The following NEGR1 variants were observed in gnomAD, a reference collection of about 807,000 sequenced individuals.
The protein encoded by NEGR1 is IgLON family member 4.
NEGR1 carries 10 observed loss-of-function variants against 40.9 expected under a neutral mutation model. That is an observed-to-expected ratio of 0.24 (90% CI 0.15 to 0.42). The LOEUF is 0.42. Among genes scored for constraint, NEGR1 ranks in the 10% least tolerant of loss-of-function variants. NEGR1 has a pLI of 1.00. For synonymous variants in NEGR1, 185 were observed against 166.8 expected, an observed-to-expected ratio of 1.11 and a Z score of -0.84; for missense variants, 352 against 438.9, an observed-to-expected ratio of 0.80 and a Z score of 1.77.
chr1:71,881,260 A>G (rs1660576875), intron 2 of NEGR1, among the ~76,000 whole-genome samples: 1 of 152,062 alleles, frequency 6.6e-6, no homozygotes, highest in Admixed American at 6.6e-5. Flanking sequence ...AAAACAGAAG[A>G]AAAAGGAGAA....
intron 1 of NEGR1, among the ~76,000 whole-genome samples, chr1:72,087,430 CA>C (rs1358505128): frequency 2.4e-4 from 34 of 142,920 alleles, no homozygotes; most frequent in African/African-American, 5.5e-4. Context: ...GATGCTGTCT[CA>C]AAAAAAAAAT....
intron 1 of NEGR1, among the ~76,000 whole-genome samples, chr1:71,957,831 T>A (rs1205474264): frequency 6.6e-6 from 1 of 152,228 alleles, no homozygotes; most frequent in Non-Finnish European, 1.5e-5. Flanking sequence ...TTAATGACAT[T>A]TTATAATCTG....
At chr1:71,745,543 C>T (rs184687163) in intron 3 of NEGR1, among the ~76,000 whole-genome samples, 96 of 119,748 alleles carry the variant, frequency 8.0e-4, no homozygotes, top group Non-Finnish European at 1.8e-3. Context: ...ACTGGACTAA[C>T]CTATTCTTGA....
At chr1:71,811,852 CTATT>C (rs1658012140) in intron 2 of NEGR1, among the ~76,000 whole-genome samples, 1 of 136,096 alleles carries the variant, frequency 7.3e-6, no homozygotes. Flanking sequence ...ATCCAAAGTT[CTATT>C]TATTTATTTT....
chr1:72,156,046 T>G (rs1651343775), intron 1 of NEGR1, among the ~76,000 whole-genome samples: 1 of 152,142 alleles, frequency 6.6e-6, no homozygotes, highest in South Asian at 2.1e-4. Flanking sequence ...GAAAATGATC[T>G]AAGCCATAAC....
chr1:71,407,815 G>A, intron 6 of NEGR1: 1 of 406,166 alleles, frequency 2.5e-6, no homozygotes, highest in Admixed American at 3.9e-5. Context: ...ACAGGGCTGT[G>A]GTGAGAATTG....
intron 1 of NEGR1, among the ~76,000 whole-genome samples, chr1:72,161,116 G>C (rs1471856860): frequency 6.6e-6 from 1 of 152,092 alleles, no homozygotes; most frequent in Non-Finnish European, 1.5e-5. Flanking sequence ...CTGCCAAAGA[G>C]AACGCAGCTC....
At chr1:71,979,834 A>C (rs182579987) in intron 1 of NEGR1, among the ~76,000 whole-genome samples, 105 of 152,280 alleles carry the variant, frequency 6.9e-4, no homozygotes, top group Admixed American at 3.9e-3. Flanking sequence ...TGGGCTGAAA[A>C]AAAGACAAAT....
intron 2 of NEGR1, among the ~76,000 whole-genome samples, chr1:71,868,953 G>A (rs138718779): frequency 6.6e-6 from 1 of 152,028 alleles, no homozygotes; most frequent in Admixed American, 6.6e-5. Flanking sequence ...CAACCTTCAT[G>A]ATTTACAATG....
intron 6 of NEGR1, among the ~76,000 whole-genome samples, chr1:71,528,410 C>G (rs1647260906): frequency 6.6e-6 from 1 of 151,234 alleles, no homozygotes; most frequent in Non-Finnish European, 1.5e-5. Flanking sequence ...AACCTATGCT[C>G]CTAGTACTCA....
In NEGR1 at chr1:72,017,453, A is replaced by T. The variant is rs186907502; in HGVS notation, c.177-82142T>A. Among the ~76,000 whole-genome samples the T allele has an allele frequency of 1.6e-4, 24 of 152,248 alleles. No individual in the cohort carries two copies. In the East Asian group the frequency reaches 4.6e-3, roughly 29 times the overall value. ...TTCTAACCTTAGAACTTGGCAAAAT[A>T]CCTGGTAATTTATTGCACCCGCAGA... On this transcript the variant is annotated intron_variant, in intron 1 of 6. Transcript: ENST00000357731.
intron 6 of NEGR1, among the ~76,000 whole-genome samples, chr1:71,573,952 A>G (rs1011074966): frequency 6.6e-6 from 1 of 151,888 alleles, no homozygotes; most frequent in Non-Finnish European, 1.5e-5. Context: ...ATTGGGAGAC[A>G]CTCCTTTATG....
intron 1 of NEGR1, among the ~76,000 whole-genome samples, chr1:72,150,771 G>T (rs774115577): frequency 7.9e-5 from 12 of 152,052 alleles, no homozygotes; most frequent in Non-Finnish European, 1.6e-4. Context: ...TATAATATGA[G>T]ATTCCAGCAT....
intron 1 of NEGR1, among the ~76,000 whole-genome samples, chr1:72,252,279 C>T (rs1417051641): frequency 2.6e-5 from 4 of 151,920 alleles, no homozygotes; most frequent in Non-Finnish European, 2.9e-5. Context: ...TCTGACCTAA[C>T]GTGATCCACC....
At chr1:71,601,110 C>A (rs1649903798) in intron 5 of NEGR1, among the ~76,000 whole-genome samples, 1 of 152,164 alleles carries the variant, frequency 6.6e-6, no homozygotes. Context: ...TTTTTAACTG[C>A]ATATCTAATA....
At chr1:71,814,527 A>G (rs1658127920) in intron 2 of NEGR1, among the ~76,000 whole-genome samples, 1 of 152,038 alleles carries the variant, frequency 6.6e-6, no homozygotes, top group African/African-American at 2.4e-5. Flanking sequence ...TTCAGCTGTA[A>G]ATCTCTCTGG....
intron 2 of NEGR1, among the ~76,000 whole-genome samples, chr1:71,917,242 T>C (rs1233956758): frequency 6.6e-6 from 1 of 152,188 alleles, no homozygotes; most frequent in African/African-American, 2.4e-5. Context: ...AATTGTTATA[T>C]TTACTTATAA....
At chr1:72,182,535 T>G (rs1652421540) in intron 1 of NEGR1, among the ~76,000 whole-genome samples, 1 of 152,130 alleles carries the variant, frequency 6.6e-6, no homozygotes, top group Non-Finnish European at 1.5e-5. Flanking sequence ...CAGGTTATAA[T>G]TTATATTTCC....
Position 72,175,729 on chromosome 1 carries a change from G to A in NEGR1, c.176+106590C>T, listed in dbSNP as rs1445160311. Among the ~76,000 whole-genome samples the A allele has an allele frequency of 2.6e-5, 4 of 151,846 alleles. No individual in the cohort carries two copies. In the East Asian group the frequency reaches 7.8e-4, roughly 29 times the overall value. ...ACACAAGTACCAATATTCTCCATCTGTAAGAAAATTATTAATAATAATTTT... is the reference window on the plus strand; with the variant it reads ...ACACAAGTACCAATATTCTCCATCTATAAGAAAATTATTAATAATAATTTT... On this transcript the variant is annotated intron_variant, in intron 1 of 6. Transcript: ENST00000357731.
Sources: allele counts gnomAD v4.1 joint callset (sites outside exome capture counted in the v4.1 genomes callset), GRCh38; gene constraint gnomAD v4.1.1; transcripts MANE v1.5; gene names NCBI Gene and HGNC (gene_info 2026-07-23, HGNC 2026-07-21).